The following ARHGAP6 variants were observed in gnomAD, a reference collection of about 807,000 sequenced individuals.
ARHGAP6 encodes rho GTPase-activating protein 6.
ARHGAP6 carries 16 observed loss-of-function variants against 55.7 expected under a neutral mutation model. That is an observed-to-expected ratio of 0.29 (90% confidence interval 0.19 to 0.44). The LOEUF is 0.44. Ranked by LOEUF, ARHGAP6 falls within the 20% of genes least tolerant of loss-of-function variation. The probability of loss-of-function intolerance (pLI) is 1.00; values close to 1 mark genes in which losing one functional copy is unlikely to be tolerated. For missense variants in ARHGAP6, 698 were observed against 808.9 expected, an observed-to-expected ratio of 0.86 and a Z score of 1.66; for synonymous variants, 382 against 360.9, an observed-to-expected ratio of 1.06 and a Z score of -0.66.
chrX:11,471,844 T>G (rs977724556), intron 1 of ARHGAP6, among the ~76,000 whole-genome samples: 56 of 111,462 alleles, frequency 5.0e-4, no homozygotes, highest in African/African-American at 1.8e-3. Context: ...CAGCAATGGC[T>G]TAATTCACTT....
At position 11,339,408 on chromosome X, in the gene ARHGAP6, C is replaced by A; in HGVS notation, c.589-84701G>T. Among the ~76,000 whole-genome samples the A allele has an allele frequency of 2.7e-5, 3 of 110,353 alleles. No homozygotes were observed. In the South Asian group the frequency reaches 1.2e-3, roughly 44 times the overall value. On this transcript the variant is annotated intron_variant, in intron 1 of 12. Transcript: ENST00000337414. Reference sequence around the variant, plus strand: ...ATTTAGTCGAATCTCCCTCTCGTGCCCTTTCATAGAACCCTCTCCTTTGTG... The same window carrying A: ...ATTTAGTCGAATCTCCCTCTCGTGCACTTTCATAGAACCCTCTCCTTTGTG...
intron 2 of ARHGAP6, among the ~76,000 whole-genome samples, chrX:11,215,511 C>G (rs1251116267): frequency 8.8e-6 from 1 of 113,041 alleles, no homozygotes; most frequent in Non-Finnish European, 1.9e-5. Context: ...AGACTCGGGG[C>G]GGGCCAGCCC....
At chrX:11,296,078 A>G (rs1219722177) in intron 1 of ARHGAP6, among the ~76,000 whole-genome samples, 1 of 112,319 alleles carries the variant, frequency 8.9e-6, no homozygotes, top group Non-Finnish European at 1.9e-5. Flanking sequence ...TAATAAAAAA[A>G]GATCGGCCTA....
chrX:11,648,878 C>A (rs1312788793), intron 1 of ARHGAP6, among the ~76,000 whole-genome samples: 2 of 112,043 alleles, frequency 1.8e-5, no homozygotes, highest in East Asian at 5.7e-4. Context: ...CAGTTCTGTG[C>A]AAGCTCGGAC....
chrX:11,559,882 C>T (rs191581363), intron 1 of ARHGAP6, among the ~76,000 whole-genome samples: 24 of 107,340 alleles, frequency 2.2e-4, no homozygotes, highest in Admixed American at 1.0e-4. Flanking sequence ...GAGCCGAGAT[C>T]GCGCCACTGC....
intron 10 of ARHGAP6, among the ~76,000 whole-genome samples, chrX:11,153,416 T>C (rs757844571): frequency 2.8e-5 from 3 of 106,334 alleles, no homozygotes; most frequent in African/African-American, 1.0e-4. Flanking sequence ...TCTCAGCTAC[T>C]TGGGAGGCTG....
chrX:11,323,257 T>C (rs966313147), intron 1 of ARHGAP6, among the ~76,000 whole-genome samples: 11 of 112,462 alleles, frequency 9.8e-5, no homozygotes, highest in African/African-American at 3.6e-4. Context: ...TTCAAAAAGT[T>C]CATAGAAAAT....
At chrX:11,329,534 CCTT>C (rs2048537240) in intron 1 of ARHGAP6, among the ~76,000 whole-genome samples, 1 of 112,401 alleles carries the variant, frequency 8.9e-6, no homozygotes, top group African/African-American at 3.2e-5. Context: ...TCTCCCATCT[CCTT>C]CTAACAAGAT....
At chrX:11,198,372 G>T (rs2046571519) in intron 2 of ARHGAP6, among the ~76,000 whole-genome samples, 1 of 111,853 alleles carries the variant, frequency 8.9e-6, no homozygotes, top group African/African-American at 3.2e-5. Context: ...TTATGTATGT[G>T]TTCATAGATA....
At chrX:11,558,335 T>A (rs1023819205) in intron 1 of ARHGAP6, among the ~76,000 whole-genome samples, 1 of 111,639 alleles carries the variant, frequency 9.0e-6, no homozygotes, top group African/African-American at 3.3e-5. Context: ...CAACAGGCAT[T>A]TGAACATCGC....
intron 1 of ARHGAP6, among the ~76,000 whole-genome samples, chrX:11,430,333 G>C (rs141398787): frequency 1.4e-3 from 157 of 112,716 alleles, no homozygotes; most frequent in African/African-American, 4.9e-3. Context: ...TTGCTAAAGT[G>C]TCATAGCTAA....
chrX:11,552,962 G>A (rs2051285618), intron 1 of ARHGAP6, among the ~76,000 whole-genome samples: 1 of 109,765 alleles, frequency 9.1e-6, no homozygotes, highest in Non-Finnish European at 1.9e-5. Flanking sequence ...AGCTAAGAGA[G>A]TAGATATTAA....
intron 1 of ARHGAP6, among the ~76,000 whole-genome samples, chrX:11,420,585 T>C (rs1425050843): frequency 9.0e-6 from 1 of 111,606 alleles, no homozygotes; most frequent in East Asian, 2.8e-4. Context: ...CCTGCCACCC[T>C]GGGCTGCTCA....
chrX:11,367,308 G>A (rs751486595), intron 1 of ARHGAP6, among the ~76,000 whole-genome samples: 15 of 111,875 alleles, frequency 1.3e-4, no homozygotes, highest in African/African-American at 4.9e-4. Context: ...TCAAGGAAGG[G>A]TTTTGACATG....
At chrX:11,144,274 G>A (rs1370275384) in intron 10 of ARHGAP6, 26 bp from the exon 11 acceptor site, 1 of 1,209,297 alleles carries the variant, frequency 8.3e-7, no homozygotes. Flanking sequence ...AATTACAGGT[G>A]CGTGAGTTTG....
At chrX:11,467,400 C>G (rs1404856803) in intron 1 of ARHGAP6, among the ~76,000 whole-genome samples, 1 of 110,481 alleles carries the variant, frequency 9.1e-6, no homozygotes, top group African/African-American at 3.3e-5. Flanking sequence ...CACTCTGGGT[C>G]TCTAAAAAGG....
intron 1 of ARHGAP6, among the ~76,000 whole-genome samples, chrX:11,625,955 A>T (rs1457553358): frequency 8.9e-6 from 1 of 112,010 alleles, no homozygotes; most frequent in Non-Finnish European, 1.9e-5. Context: ...ACATTTTCAC[A>T]AATAAATAAA....
chrX:11,483,998 T>C (rs1044961264), intron 1 of ARHGAP6, among the ~76,000 whole-genome samples: 40 of 112,166 alleles, frequency 3.6e-4, no homozygotes, highest in African/African-American at 1.2e-3. Flanking sequence ...TAATAATTCC[T>C]ATTATGCAGG....
chrX:11,206,295 A>G (rs1213085918), intron 2 of ARHGAP6, among the ~76,000 whole-genome samples: 1 of 112,215 alleles, frequency 8.9e-6, no homozygotes, highest in Non-Finnish European at 1.9e-5. Flanking sequence ...AATATTCTGC[A>G]TGGGGCTCTG....
Sources: gnomAD v4.1 joint callset for allele counts (sites outside exome capture counted in the v4.1 genomes callset) on GRCh38, gnomAD v4.1.1 for gene constraint, MANE v1.5 for transcripts, NCBI Gene and HGNC (gene_info 2026-07-23, HGNC 2026-07-21) for gene names.